KCTD16: variants seen among roughly 807,000 people sequenced by gnomAD.
The protein encoded by KCTD16 is potassium channel tetramerization domain containing 16.
KCTD16 carries 13 observed loss-of-function variants against 33.2 expected under a neutral mutation model. The observed-to-expected ratio is 0.39, with a 90% CI of 0.25 to 0.62. KCTD16 has a LOEUF of 0.62. Ranked by LOEUF, KCTD16 falls within the 20% of genes least tolerant of loss-of-function variation. The probability of loss-of-function intolerance (pLI) is 0.50; values close to 1 mark genes in which losing one functional copy is unlikely to be tolerated. For missense variants in KCTD16, 441 were observed against 525.1 expected, an observed-to-expected ratio of 0.84 and a Z score of 1.57; for synonymous variants, 197 against 195.3, an observed-to-expected ratio of 1.01 and a Z score of -0.07.
Position 144,345,148 on chromosome 5 carries a change from T to A in KCTD16, c.833-128512T>A, listed in dbSNP as rs898026415. ...CATGTTCTCACTCCTAGGTGGGAAT[T>A]GAACAATGAGAACACATGGACACAG... On this transcript the variant is annotated intron_variant, in intron 3 of 3. Transcript: ENST00000512467. Among the ~76,000 whole-genome samples the A allele has an allele frequency of 2.0e-4, 28 of 139,724 alleles. No homozygotes were observed. In the Middle Eastern group the frequency reaches 0.012, roughly 59 times the overall value. The allele number at this position is 139,724 out of a possible 152,430, so 91.7% of individuals were successfully genotyped here.
chr5:144,417,650 CTTTTGA>C (rs1753094503), intron 3 of KCTD16, among the ~76,000 whole-genome samples: 1 of 151,672 alleles, frequency 6.6e-6, no homozygotes, highest in South Asian at 2.1e-4. Flanking sequence ...TTTGTTTTTG[CTTTTGA>C]TGTCATATCC....
chr5:144,316,139 A>G (rs1347397500), intron 3 of KCTD16, among the ~76,000 whole-genome samples: 1 of 152,162 alleles, frequency 6.6e-6, no homozygotes, highest in Non-Finnish European at 1.5e-5. Context: ...GTACCAAACT[A>G]GCTTTAACCA....
chr5:144,480,520 T>C lies in KCTD16; in HGVS notation c.*6406T>C, dbSNP rs539366459. 2.6e-5 allele frequency: 4 copies of C among 152,096 alleles called. No individual in the cohort carries two copies. The highest frequency in any genetic ancestry group is 9.6e-5 in the African/African-American group (4 of 41,518). 9.4% of individuals were successfully genotyped at this position (152,096 alleles called of 1,614,324 possible). ...AGTCTTTTTTAATTGCAGCCAGTGATCAGTGGTTTATCTATACCCTTTAGG... is the reference window on the plus strand; with the variant it reads ...AGTCTTTTTTAATTGCAGCCAGTGACCAGTGGTTTATCTATACCCTTTAGG... On this transcript the variant is annotated 3_prime_UTR_variant, in exon 4 of 4. Coordinates refer to ENST00000512467, the MANE Select transcript of KCTD16 (RefSeq NM_020768.4).
intron 3 of KCTD16, among the ~76,000 whole-genome samples, chr5:144,344,919 G>A (rs923642582): frequency 1.8e-4 from 27 of 150,608 alleles, no homozygotes; most frequent in South Asian, 2.1e-4. Flanking sequence ...TGTTTATTGC[G>A]GCACTATTCA....
intron 3 of KCTD16, among the ~76,000 whole-genome samples, chr5:144,366,030 G>A (rs1270584816): frequency 6.6e-6 from 1 of 152,150 alleles, no homozygotes; most frequent in Non-Finnish European, 1.5e-5. Context: ...TGAGATGGGA[G>A]GAGATACACT....
chr5:144,179,426 G>A (rs10055251), intron 2 of KCTD16, among the ~76,000 whole-genome samples: 69,145 of 151,962 alleles, frequency 0.46, 16,712 homozygotes, highest in African/African-American at 0.62. Context: ...TATTCACTCT[G>A]CTCCTGAGTG....
At chr5:144,356,529 T>C (rs1357098830) in intron 3 of KCTD16, among the ~76,000 whole-genome samples, 1 of 152,158 alleles carries the variant, frequency 6.6e-6, no homozygotes, top group African/African-American at 2.4e-5. Flanking sequence ...CACTTGAATT[T>C]CAGTGCTGGG....
intron 3 of KCTD16, among the ~76,000 whole-genome samples, chr5:144,338,139 A>G (rs758101478): frequency 7.9e-5 from 12 of 152,182 alleles, no homozygotes; most frequent in Admixed American, 3.9e-4. Context: ...CCCTGCTGGT[A>G]TGGTTCTCTT....
chr5:144,423,598 C>T (rs904679168), intron 3 of KCTD16, among the ~76,000 whole-genome samples: 1 of 152,110 alleles, frequency 6.6e-6, no homozygotes, highest in Admixed American at 6.6e-5. Context: ...TCTTACAATG[C>T]ACAGGACAAC....
chr5:144,320,430 C>T (rs1752041317), intron 3 of KCTD16, among the ~76,000 whole-genome samples: 1 of 152,112 alleles, frequency 6.6e-6, no homozygotes, highest in Non-Finnish European at 1.5e-5. Flanking sequence ...TCTCTATATT[C>T]CTCACTGGAA....
At chr5:144,377,107 G>A (rs1218091290) in intron 3 of KCTD16, among the ~76,000 whole-genome samples, 3 of 152,136 alleles carry the variant, frequency 2.0e-5, no homozygotes, top group African/African-American at 7.2e-5. Flanking sequence ...CCTCCAACAG[G>A]TCTGCAATTA....
chr5:144,237,074 C>G lies in KCTD16; in HGVS notation c.832+29528C>G, dbSNP rs79107658. 2.6e-5 allele frequency among the ~76,000 whole-genome samples: 4 copies of G among 152,138 alleles called. No individual in the cohort carries two copies. In the East Asian group the frequency reaches 7.7e-4, roughly 29 times the overall value. Reference sequence around the variant, plus strand: ...ATACTACAATATCTCTGCTTTGATTCTCTACCTCCATTGTTCTTCTTGTAA... The same window carrying G: ...ATACTACAATATCTCTGCTTTGATTGTCTACCTCCATTGTTCTTCTTGTAA... On this transcript the variant is annotated intron_variant, in intron 3 of 3. Transcript: ENST00000512467.
intron 3 of KCTD16, among the ~76,000 whole-genome samples, chr5:144,406,460 G>T (rs979150145): frequency 6.6e-6 from 1 of 152,190 alleles, no homozygotes; most frequent in Non-Finnish European, 1.5e-5. Context: ...CAATGGCAGG[G>T]TGTCTTTTGA....
chr5:144,371,688 ACT>A (rs1239587560), intron 3 of KCTD16, among the ~76,000 whole-genome samples: 4 of 150,632 alleles, frequency 2.7e-5, no homozygotes, highest in Non-Finnish European at 5.9e-5. Context: ...TCATGGAAAA[ACT>A]CTAAGAAAAT....
chr5:144,299,061 TATATATATA>T lies in KCTD16; in HGVS notation c.832+91516_832+91524del, dbSNP rs1417743891. The stretch of plus-strand genomic sequence containing the variant: ...ACAGATCACTATATATATATATATA[TATATATATA>T]TATTTTTGTATATATATATCACTAT... On this transcript the variant is annotated intron_variant, in intron 3 of 3. Transcript: ENST00000512467. Among the ~76,000 whole-genome samples the T allele has an allele frequency of 3.0e-3, 280 of 94,270 alleles. 27 individuals carry two copies. Among genetic ancestry groups the T allele is most frequent in the African/African-American group, 9.5e-3 (232 of 24,402 alleles). The allele number at this position is 94,270 out of a possible 152,430, so 61.8% of individuals were successfully genotyped here. A position where few individuals can be genotyped will look rare whatever the true frequency, so the allele number is the denominator to read the frequency against.
intron 3 of KCTD16, among the ~76,000 whole-genome samples, chr5:144,431,981 T>C (rs546846870): frequency 6.6e-6 from 1 of 152,170 alleles, no homozygotes; most frequent in African/African-American, 2.4e-5. Flanking sequence ...TAAATCATTT[T>C]AAGCACTCAT....
intron 3 of KCTD16, among the ~76,000 whole-genome samples, chr5:144,465,251 G>A (rs563565428): frequency 1.3e-4 from 18 of 138,558 alleles, no homozygotes; most frequent in African/African-American, 4.9e-4. Context: ...TTAGGCATGT[G>A]ATCATATTTC....
intron 3 of KCTD16, among the ~76,000 whole-genome samples, chr5:144,417,306 CTTATA>C: frequency 6.6e-6 from 1 of 152,050 alleles, no homozygotes; most frequent in East Asian, 1.9e-4. Context: ...TATTATTATA[CTTATA>C]TTAGTGGATA....
chr5:144,227,513 C>T (rs953183082), intron 3 of KCTD16, among the ~76,000 whole-genome samples: 1 of 152,208 alleles, frequency 6.6e-6, no homozygotes, highest in African/African-American at 2.4e-5. Flanking sequence ...ACTCTGCTGA[C>T]ATGGGCAGCC....
Sources: gnomAD v4.1 joint callset for allele counts (sites outside exome capture counted in the v4.1 genomes callset) on GRCh38, gnomAD v4.1.1 for gene constraint, MANE v1.5 for transcripts, NCBI Gene and HGNC (gene_info 2026-07-23, HGNC 2026-07-21) for gene names.